The following DPY19L4 variants were observed in gnomAD, a reference collection of about 807,000 sequenced individuals.
The protein encoded by DPY19L4 is probable C-mannosyltransferase DPY19L4.
Under a neutral mutation model 102.8 loss-of-function variants are expected in DPY19L4, and 97 were observed. The ratio of observed to expected loss-of-function variants is 0.94; its 90% CI spans 0.80 to 1.12. The LOEUF is 1.12. Among genes scored for constraint, DPY19L4 ranks in the 50% most tolerant of loss-of-function variants. The pLI is 0.00. For synonymous variants in DPY19L4, 252 were observed against 283.1 expected (o/e 0.89, Z 1.10); for missense variants, 815 against 850.4 (o/e 0.96, Z 0.52).
intron 6 of DPY19L4, among the ~76,000 whole-genome samples, chr8:94,747,509 A>C (rs565949105): frequency 1.2e-4 from 18 of 149,896 alleles, no homozygotes; most frequent in African/African-American, 4.2e-4. Flanking sequence ...AGTGAGTTCC[A>C]TGGGGGTCAT....
At chr8:94,738,537 C>T (rs1389834001) in intron 4 of DPY19L4, 78 bp downstream of exon 4, 11 of 739,374 alleles carry the variant, frequency 1.5e-5, no homozygotes, top group African/African-American at 1.0e-4. Flanking sequence ...TTTTCCGAGA[C>T]GGAGTCTTGC....
intron 6 of DPY19L4, among the ~76,000 whole-genome samples, chr8:94,741,777 T>G (rs1312849075): frequency 1.3e-5 from 2 of 152,250 alleles, no homozygotes; most frequent in African/African-American, 4.8e-5. Flanking sequence ...TTGTTAATCT[T>G]TGAAAGCTTT....
intron 2 of DPY19L4, among the ~76,000 whole-genome samples, chr8:94,734,173 C>T (rs1373958691): frequency 6.6e-6 from 1 of 151,316 alleles, no homozygotes; most frequent in African/African-American, 2.4e-5. Context: ...ATTCTTGTGC[C>T]TCAGCCTCCC....
At chr8:94,769,714 A>T (rs912930085) in intron 12 of DPY19L4, among the ~76,000 whole-genome samples, 1 of 151,872 alleles carries the variant, frequency 6.6e-6, no homozygotes, top group South Asian at 2.1e-4. Flanking sequence ...AAAAAGCTAT[A>T]AAGTTTGACT....
Position 94,726,823 on chromosome 8 carries a change from C to T in DPY19L4, c.127+382C>T, listed in dbSNP as rs79082797. Reference sequence around the variant, plus strand: ...AAGCAAGTCATATAATCAATTCAGACGATGGGATGTGAAGTATACTTTGAT... The same window carrying T: ...AAGCAAGTCATATAATCAATTCAGATGATGGGATGTGAAGTATACTTTGAT... On this transcript the variant is annotated intron_variant, in intron 2 of 18. Transcript: ENST00000414645. Among the ~76,000 whole-genome samples, 1,286 of 152,198 alleles carry T rather than the reference C, an allele frequency of 8.4e-3. 14 individuals are homozygous for T. Among genetic ancestry groups the T allele is most frequent in the Middle Eastern group, 0.051 (15 of 294 alleles).
At chr8:94,777,969 G>A (rs1003125502) in intron 14 of DPY19L4, among the ~76,000 whole-genome samples, 183 bp downstream of exon 14, 1 of 152,110 alleles carries the variant, frequency 6.6e-6, no homozygotes, top group African/African-American at 2.4e-5. Context: ...GGTGGCTCAC[G>A]CTTGTAATCC....
chr8:94,773,744 T>C (rs148108138), intron 13 of DPY19L4, among the ~76,000 whole-genome samples: 320 of 151,898 alleles, frequency 2.1e-3, no homozygotes, highest in African/African-American at 7.5e-3. Context: ...TTTTGTGTTT[T>C]TGAGAGACAG....
At chr8:94,785,859 T>A (rs1333033838) in intron 17 of DPY19L4, among the ~76,000 whole-genome samples, 2 of 152,250 alleles carry the variant, frequency 1.3e-5, no homozygotes, top group African/African-American at 2.4e-5. Flanking sequence ...CAACAAACTC[T>A]GTGACTTTGT....
intron 12 of DPY19L4, among the ~76,000 whole-genome samples, 166 bp from the exon 13 acceptor site, chr8:94,770,286 A>T (rs1309643487): frequency 6.6e-6 from 1 of 152,198 alleles, no homozygotes; most frequent in Non-Finnish European, 1.5e-5. Flanking sequence ...TATGTTAGGT[A>T]TTTAACTAGC....
intron 6 of DPY19L4, among the ~76,000 whole-genome samples, chr8:94,742,820 A>G (rs1366236056): frequency 6.6e-6 from 1 of 151,874 alleles, no homozygotes; most frequent in South Asian, 2.1e-4. Flanking sequence ...AGCCTCCCAA[A>G]GTGCTGGGAT....
intron 17 of DPY19L4, 75 bp downstream of exon 17, chr8:94,783,877 A>G (rs1475888738): frequency 6.5e-7 from 1 of 1,531,178 alleles, no homozygotes; most frequent in Non-Finnish European, 8.8e-7. Context: ...CAGTATACAT[A>G]TGCTTCTAGG....
rs147155764 is a variant in DPY19L4 at position 94,779,823 on chromosome 8, G to C, written c.1576-536G>C. ...CAGGGTCACTAAAAGACATGGGACA[G>C]AAGGCAGAGCAGGTTTTATTATAGC... On this transcript the variant is annotated intron_variant, in intron 14 of 18. Transcript: ENST00000414645. Among the ~76,000 whole-genome samples, 60 of 152,296 alleles carry C rather than the reference G, an allele frequency of 3.9e-4. No homozygotes were observed. The East Asian group carries it at 0.011, about 28-fold the overall frequency.
chr8:94,757,858 C>T (rs1365088349), intron 7 of DPY19L4, among the ~76,000 whole-genome samples: 2 of 151,986 alleles, frequency 1.3e-5, no homozygotes, highest in African/African-American at 4.8e-5. Context: ...TATAATATTA[C>T]CCAGCACTTT....
chr8:94,748,855 T>G (rs947148150), intron 6 of DPY19L4, among the ~76,000 whole-genome samples: 7 of 152,192 alleles, frequency 4.6e-5, no homozygotes, highest in Non-Finnish European at 8.8e-5. Context: ...GTGGAACAAT[T>G]TCATCCCCAA....
At chr8:94,774,838 A>T (rs142251762) in intron 13 of DPY19L4, among the ~76,000 whole-genome samples, 1 of 152,152 alleles carries the variant, frequency 6.6e-6, no homozygotes, top group African/African-American at 2.4e-5. Flanking sequence ...CGGCCCCCCA[A>T]AGTGCTGGGA....
In DPY19L4 at chr8:94,761,713, T is replaced by C. The variant is rs1024197587; in HGVS notation, c.749T>C (p.Leu250Ser). ...LNTYGERFCY[L>S]LMSASTYTFM... ...TGTTTTCCCTAGAGGTTTTGCTACT[T>C]GTTGATGAGTGCTTCAACTTACACA... Residue 250 changes from leucine (L) to serine (S), a missense_variant, in exon 8 of 19, where the codon TTG becomes TCG. Physicochemically the swap from Leu to Ser is moderately radical, Grantham distance 145. Transcript: ENST00000414645. The C allele has an allele frequency of 8.8e-6, 14 of 1,597,338 alleles. No individual in the cohort carries two copies. The highest frequency in any genetic ancestry group is 1.2e-5 in the Non-Finnish European group (14 of 1,174,666).
At chr8:94,725,369 T>A (rs1810641839) in intron 1 of DPY19L4, among the ~76,000 whole-genome samples, 1 of 152,240 alleles carries the variant, frequency 6.6e-6, no homozygotes, top group South Asian at 2.1e-4. Flanking sequence ...TATAGTACAT[T>A]CCTGTTCATC....
At chr8:94,763,951 G>C (rs1398566083) in intron 8 of DPY19L4, among the ~76,000 whole-genome samples, 1 of 152,108 alleles carries the variant, frequency 6.6e-6, no homozygotes, top group Admixed American at 6.6e-5. Flanking sequence ...TGGGATTATA[G>C]ATGTGAGCCA....
At chr8:94,749,401 G>A (rs1811820678) in intron 6 of DPY19L4, among the ~76,000 whole-genome samples, 1 of 152,176 alleles carries the variant, frequency 6.6e-6, no homozygotes, top group Non-Finnish European at 1.5e-5. Flanking sequence ...TCTGCAGAAA[G>A]GGTGTACTCG....
Sources: gnomAD v4.1 joint callset for allele counts (sites outside exome capture counted in the v4.1 genomes callset) on GRCh38, gnomAD v4.1.1 for gene constraint, MANE v1.5 for transcripts, NCBI Gene and HGNC (gene_info 2026-07-23, HGNC 2026-07-21) for gene names.